UBR1: variants seen among roughly 807,000 people sequenced by gnomAD.
UBR1 encodes the protein E3 ubiquitin-protein ligase UBR1.
In UBR1, 102 loss-of-function variants were observed where a neutral mutation model predicts 242.1. The observed-to-expected ratio is 0.42, with a 90% confidence interval of 0.36 to 0.50. The LOEUF (loss-of-function observed/expected upper bound fraction) is 0.50, where lower values mean the gene tolerates loss of function less well. Among genes scored for constraint, UBR1 ranks in the 20% least tolerant of loss-of-function variants. The pLI is 0.01. For missense variants in UBR1, 1,772 were observed against 2,101.8 expected (o/e 0.84, Z 3.07); for synonymous variants, 675 against 684.8 (o/e 0.99, Z 0.22).
intron 1 of UBR1, among the ~76,000 whole-genome samples, chr15:43,096,393 C>T (rs2141369479): frequency 6.6e-6 from 1 of 152,220 alleles, no homozygotes; most frequent in African/African-American, 2.4e-5. Flanking sequence ...AACTCCTGAC[C>T]TTAGGCAATC....
chr15:43,070,583 C>T (rs2033812870), intron 5 of UBR1, among the ~76,000 whole-genome samples: 1 of 152,104 alleles, frequency 6.6e-6, no homozygotes, highest in South Asian at 2.1e-4. Context: ...TTCAAAGCTC[C>T]TGATACACTA....
Position 42,948,752 on chromosome 15 carries a change from G to A in UBR1, c.5108+1510C>T, listed in dbSNP as rs562157332. 1.4e-3 allele frequency among the ~76,000 whole-genome samples: 214 copies of A among 152,364 alleles called. 6 individuals carry two copies. The South Asian group carries it at 0.041, about 29-fold the overall frequency. ...ATGAGATACCACCTCACACTAGTTA[G>A]AATGGCAATCATTAAAAAGTCAGGA... On this transcript the variant is annotated intron_variant, in intron 46 of 46. Transcript: ENST00000290650.
At chr15:43,071,520 A>C (rs2033824859) in intron 4 of UBR1, among the ~76,000 whole-genome samples, 1 of 152,166 alleles carries the variant, frequency 6.6e-6, no homozygotes, top group African/African-American at 2.4e-5. Flanking sequence ...AGTTCTTAAG[A>C]TCTGTTACAC....
intron 19 of UBR1, among the ~76,000 whole-genome samples, chr15:43,035,830 C>T (rs1030073478): frequency 4.0e-5 from 6 of 150,114 alleles, no homozygotes; most frequent in African/African-American, 1.5e-4. Context: ...GGATCCAGAA[C>T]AAAAAACCAA....
chr15:43,072,341 T>C (rs1357592007), intron 4 of UBR1, among the ~76,000 whole-genome samples: 1 of 152,214 alleles, frequency 6.6e-6, no homozygotes, highest in East Asian at 1.9e-4. Context: ...GCCTCCTGCC[T>C]GAGTCTCCCA....
chr15:43,007,046 T>C (rs2032841780), intron 30 of UBR1, 33 bp downstream of exon 30: 2 of 1,606,142 alleles, frequency 1.2e-6, no homozygotes, highest in Non-Finnish European at 8.5e-7. Flanking sequence ...TGAAAAGAAA[T>C]GCACAAAAGG....
chr15:43,054,591 T>C (rs2033594036), intron 12 of UBR1, 151 bp downstream of exon 12: 8 of 871,796 alleles, frequency 9.2e-6, no homozygotes, highest in East Asian at 7.5e-5. Context: ...AAGACATTTA[T>C]TAACGCGAGG....
chr15:43,047,329 C>G, intron 13 of UBR1, 40 bp from the exon 14 acceptor site: 1 of 1,613,730 alleles, frequency 6.2e-7, no homozygotes, highest in Non-Finnish European at 8.5e-7. Context: ...TATCTGAGCC[C>G]TCTCTCTTTG....
intron 15 of UBR1, among the ~76,000 whole-genome samples, chr15:43,040,024 C>A (rs935465956): frequency 2.6e-5 from 4 of 151,962 alleles, no homozygotes; most frequent in African/African-American, 9.7e-5. Flanking sequence ...CCATGCTGCC[C>A]AAGGTAATTT....
At chr15:43,048,974 C>T (rs2033519517) in intron 12 of UBR1, among the ~76,000 whole-genome samples, 2 of 152,150 alleles carry the variant, frequency 1.3e-5, no homozygotes, top group South Asian at 2.1e-4. Flanking sequence ...GTACTAGTTT[C>T]AAGAGATAAA....
chr15:43,023,970 G>A (rs1399090280), intron 25 of UBR1, among the ~76,000 whole-genome samples: 1 of 152,192 alleles, frequency 6.6e-6, no homozygotes, highest in Non-Finnish European at 1.5e-5. Context: ...ATTAATAGGA[G>A]ACTACTGAAA....
In UBR1 at chr15:43,059,843, G is replaced by A. The variant is rs4924704; in HGVS notation, c.862-18C>T. ...GAATGACTCTACAAATGAAGGGAAC[G>A]AACCAAAAAAATAGCATTTAAAATT... On this transcript the variant is annotated intron_variant, in intron 7 of 46. Coordinates refer to ENST00000290650, the MANE Select transcript of UBR1 (RefSeq NM_174916.3). 0.87 allele frequency: 1,407,908 copies of A among 1,613,096 alleles called. 615,229 individuals carry two copies. The highest frequency in any genetic ancestry group is 0.88 in the Middle Eastern group (5,353 of 6,058).
chr15:42,987,797 T>C (rs1487520364), intron 35 of UBR1, among the ~76,000 whole-genome samples: 1 of 151,414 alleles, frequency 6.6e-6, no homozygotes, highest in African/African-American at 2.4e-5. Context: ...CAAAAATACA[T>C]TTAAATGAAG....
At chr15:43,055,640 C>A (rs539968012) in intron 11 of UBR1, among the ~76,000 whole-genome samples, 1 of 152,008 alleles carries the variant, frequency 6.6e-6, no homozygotes. Flanking sequence ...TAGGGCTGGG[C>A]GCGGTGGCTC....
chr15:43,037,068 G>A (rs2033346556), intron 17 of UBR1, among the ~76,000 whole-genome samples: 1 of 151,824 alleles, frequency 6.6e-6, no homozygotes, highest in Non-Finnish European at 1.5e-5. Context: ...AAATGCAAGG[G>A]CAGGCTCAGT....
intron 1 of UBR1, among the ~76,000 whole-genome samples, chr15:43,101,148 G>C (rs1454862287): frequency 6.6e-6 from 1 of 152,206 alleles, no homozygotes; most frequent in Non-Finnish European, 1.5e-5. Flanking sequence ...GGATGAGTGA[G>C]GAGAATGTAA....
intron 3 of UBR1, among the ~76,000 whole-genome samples, chr15:43,081,126 TAA>T (rs1156338823): frequency 6.6e-6 from 1 of 151,622 alleles, no homozygotes; most frequent in Admixed American, 6.6e-5. Context: ...CCACCAGTTA[TAA>T]GACTTCCTGG....
intron 34 of UBR1, among the ~76,000 whole-genome samples, chr15:42,989,823 G>T (rs564139092): frequency 6.6e-6 from 1 of 152,118 alleles, no homozygotes; most frequent in African/African-American, 2.4e-5. Context: ...TGGTTACTCA[G>T]AGGCATAGTT....
intron 13 of UBR1, 102 bp downstream of exon 13, chr15:43,048,290 T>C: frequency 1.2e-6 from 1 of 838,842 alleles, no homozygotes; most frequent in Non-Finnish European, 1.9e-6. Flanking sequence ...CTTTGCTAGA[T>C]AAATTCTTTC....
Sources: gnomAD v4.1 joint callset for allele counts (sites outside exome capture counted in the v4.1 genomes callset) on GRCh38, gnomAD v4.1.1 for gene constraint, MANE v1.5 for transcripts, NCBI Gene and HGNC (gene_info 2026-07-23, HGNC 2026-07-21) for gene names.